Variants in DENND5B observed in about 807,000 individuals in gnomAD.
The protein encoded by DENND5B is DENN domain-containing protein 5B.
In DENND5B, 34 loss-of-function variants were observed where a neutral mutation model predicts 140.6. The observed-to-expected ratio is 0.24, with a 90% confidence interval of 0.18 to 0.32. The LOEUF is 0.32. Ranked by LOEUF, DENND5B falls within the 10% of genes least tolerant of loss-of-function variation. The pLI, the probability that DENND5B is intolerant of heterozygous loss-of-function variation, is 1.00. For synonymous variants in DENND5B, 551 were observed against 562.1 expected, an observed-to-expected ratio of 0.98 and a Z score of 0.28; for missense variants, 1,142 against 1,560.2, an observed-to-expected ratio of 0.73 and a Z score of 4.52.
chr12:31,448,848 A>G (rs1421124497), intron 5 of DENND5B, among the ~76,000 whole-genome samples: 3 of 131,554 alleles, frequency 2.3e-5, no homozygotes, highest in Non-Finnish European at 3.7e-5. Context: ...CGCATTTCCA[A>G]AAAAACAAAC....
intron 11 of DENND5B, among the ~76,000 whole-genome samples, chr12:31,422,442 TA>T (rs960209692): frequency 2.6e-4 from 34 of 128,864 alleles, no homozygotes; most frequent in Admixed American, 5.4e-4. Context: ...AAATAAAAAT[TA>T]AAAAAAAAAA....
chr12:31,576,298 C>T (rs369074161), intron 1 of DENND5B, among the ~76,000 whole-genome samples: 2 of 151,574 alleles, frequency 1.3e-5, no homozygotes, highest in African/African-American at 2.4e-5. Flanking sequence ...CTAAAAAATA[C>T]AAAAATTAGC....
chr12:31,465,132 T>A (rs1330317036), intron 3 of DENND5B: 11 of 152,290 alleles, frequency 7.2e-5, no homozygotes, highest in Admixed American at 7.2e-4. Context: ...TCCACCAGCA[T>A]CACTGTGGAG....
intron 2 of DENND5B, among the ~76,000 whole-genome samples, chr12:31,494,066 C>A (rs926988145): frequency 1.3e-5 from 2 of 152,004 alleles, no homozygotes; most frequent in Non-Finnish European, 2.9e-5. Flanking sequence ...AAGAAGAGCC[C>A]TTCCTAAATA....
chr12:31,471,347 C>G (rs897876382), intron 3 of DENND5B, among the ~76,000 whole-genome samples: 3 of 152,010 alleles, frequency 2.0e-5, no homozygotes, highest in Admixed American at 2.0e-4. Context: ...AGGAGTCTCG[C>G]TCTGTCACCT....
intron 4 of DENND5B, among the ~76,000 whole-genome samples, chr12:31,457,870 C>T (rs566292688): frequency 1.6e-4 from 24 of 152,142 alleles, no homozygotes; most frequent in African/African-American, 5.8e-4. Context: ...CCTGCCACCA[C>T]GCCCGGCTAT....
At chr12:31,522,218 G>A (rs1004222031) in intron 1 of DENND5B, among the ~76,000 whole-genome samples, 6 of 152,116 alleles carry the variant, frequency 3.9e-5, no homozygotes, top group Non-Finnish European at 5.9e-5. Flanking sequence ...ACCTCTAAAC[G>A]CTGATTTACA....
intron 11 of DENND5B, among the ~76,000 whole-genome samples, chr12:31,416,717 C>CTG (rs1403575172): frequency 6.6e-6 from 1 of 151,908 alleles, no homozygotes; most frequent in Non-Finnish European, 1.5e-5. Context: ...AAAATCTAAG[C>CTG]TGTGTACGGT....
intron 2 of DENND5B, among the ~76,000 whole-genome samples, chr12:31,488,539 G>GT (rs1946400724): frequency 6.6e-6 from 1 of 152,140 alleles, no homozygotes; most frequent in Admixed American, 6.5e-5. Context: ...GACAACAGAT[G>GT]TAAGAATTTT....
At chr12:31,572,896 G>A (rs1949874210) in intron 1 of DENND5B, among the ~76,000 whole-genome samples, 1 of 152,116 alleles carries the variant, frequency 6.6e-6, no homozygotes, top group Non-Finnish European at 1.5e-5. Context: ...ATAGATTTGG[G>A]GGACAGGAAA....
At chr12:31,466,606 T>C (rs1945278965) in intron 3 of DENND5B, among the ~76,000 whole-genome samples, 2 of 150,998 alleles carry the variant, frequency 1.3e-5, no homozygotes, top group Admixed American at 6.6e-5. Context: ...GACAGGAGAA[T>C]TGCTTGAACC....
At chr12:31,425,500 T>G (rs1943191077) in intron 9 of DENND5B, among the ~76,000 whole-genome samples, 1 of 152,232 alleles carries the variant, frequency 6.6e-6, no homozygotes, top group Non-Finnish European at 1.5e-5. Flanking sequence ...TTGAGAACTC[T>G]AATTTGTGAA....
At chr12:31,429,243 G>A (rs544254519) in intron 8 of DENND5B, among the ~76,000 whole-genome samples, 5 of 151,832 alleles carry the variant, frequency 3.3e-5, no homozygotes, top group Non-Finnish European at 5.9e-5. Flanking sequence ...TCCTGACCTC[G>A]TGATCTGCCC....
intron 1 of DENND5B, among the ~76,000 whole-genome samples, chr12:31,565,550 G>C (rs1054662739): frequency 9.2e-5 from 14 of 152,106 alleles, no homozygotes; most frequent in African/African-American, 3.1e-4. Flanking sequence ...AGTTAGTCTT[G>C]TTTTCATTTA....
At chr12:31,472,948 T>TTA (rs527469682) in intron 3 of DENND5B, among the ~76,000 whole-genome samples, 12 of 148,194 alleles carry the variant, frequency 8.1e-5, no homozygotes, top group Non-Finnish European at 1.5e-4. Flanking sequence ...GAAGTCTTTT[T>TTA]AAAAAAAAAA....
chr12:31,481,932 G>A (rs1371980787), intron 2 of DENND5B, among the ~76,000 whole-genome samples: 2 of 152,206 alleles, frequency 1.3e-5, no homozygotes, highest in Non-Finnish European at 2.9e-5. Context: ...AAGAAGTTGA[G>A]AGGGCCAGTG....
chr12:31,528,921 G>A (rs1276811289), intron 1 of DENND5B, among the ~76,000 whole-genome samples: 1 of 151,972 alleles, frequency 6.6e-6, no homozygotes, highest in Non-Finnish European at 1.5e-5. Flanking sequence ...CAGCACTTTG[G>A]GAGGCCGAGG....
chr12:31,472,697 C>T (rs1459000686), intron 3 of DENND5B, among the ~76,000 whole-genome samples: 1 of 152,008 alleles, frequency 6.6e-6, no homozygotes, highest in Admixed American at 6.6e-5. Flanking sequence ...CTCTATTTGC[C>T]CCAGCACAGA....
At chr12:31,427,906 C>T (rs887400664) in intron 8 of DENND5B, among the ~76,000 whole-genome samples, 2 of 152,004 alleles carry the variant, frequency 1.3e-5, no homozygotes, top group Non-Finnish European at 2.9e-5. Context: ...AGAGTTTGTA[C>T]ATTTAATATA....
Sources: gnomAD v4.1 joint callset for allele counts (sites outside exome capture counted in the v4.1 genomes callset) on GRCh38, gnomAD v4.1.1 for gene constraint, MANE v1.5 for transcripts, NCBI Gene and HGNC (gene_info 2026-07-23, HGNC 2026-07-21) for gene names.